ZSCAN18: variants seen among roughly 807,000 people sequenced by gnomAD.
ZSCAN18 encodes the protein zinc finger and SCAN domain containing 18.
ZSCAN18 carries 16 observed loss-of-function variants against 31.1 expected under a neutral mutation model. That is an observed-to-expected ratio of 0.51 (90% CI 0.35 to 0.78). The LOEUF (loss-of-function observed/expected upper bound fraction) is 0.78. Among genes scored for constraint, ZSCAN18 ranks in the 30% least tolerant of loss-of-function variants. The pLI, the probability that ZSCAN18 is intolerant of heterozygous loss-of-function variation, is 0.01. For missense variants in ZSCAN18, 731 were observed against 697.4 expected (o/e 1.05, Z -0.54); for synonymous variants, 375 against 320.7 (o/e 1.17, Z -1.81).
intron 1 of ZSCAN18, among the ~76,000 whole-genome samples, chr19:58,095,668 C>T (rs942274180): frequency 6.6e-6 from 1 of 152,120 alleles, no homozygotes; most frequent in Non-Finnish European, 1.5e-5. Context: ...GGCGGGATGA[C>T]GTGGGGAGGA....
intron 1 of ZSCAN18, chr19:58,108,592 T>TA: frequency 1.0e-6 from 1 of 985,846 alleles, no homozygotes; most frequent in Non-Finnish European, 1.2e-6. Context: ...ATTACAGGTA[T>TA]AAGGGCTCTC....
chr19:58,096,219 T>C (rs987857097), intron 1 of ZSCAN18, among the ~76,000 whole-genome samples: 3 of 147,658 alleles, frequency 2.0e-5, no homozygotes, highest in Non-Finnish European at 4.6e-5. Flanking sequence ...AGCCCGTGTC[T>C]CACAAACAAA....
intron 1 of ZSCAN18, among the ~76,000 whole-genome samples, chr19:58,104,144 C>T (rs757938184): frequency 1.3e-5 from 2 of 151,824 alleles, no homozygotes; most frequent in African/African-American, 2.4e-5. Flanking sequence ...TTTGGGAGGC[C>T]AAGCGGGATG....
At chr19:58,088,920 G>T in intron 2 of ZSCAN18, 83 bp from the exon 3 acceptor site, 1 of 1,405,652 alleles carries the variant, frequency 7.1e-7, no homozygotes, top group Non-Finnish European at 9.7e-7. Flanking sequence ...ACAGGGACCT[G>T]CAGGCTCCAG....
chr19:58,085,656 C>G (rs973705772), intron 6 of ZSCAN18: 4 of 490,386 alleles, frequency 8.2e-6, no homozygotes, highest in African/African-American at 6.1e-5. Flanking sequence ...TTCTGGAAAC[C>G]GCGCCTTTGG....
upstream of ZSCAN18, among the ~76,000 whole-genome samples, chr19:58,099,430 G>A (rs1439904328): frequency 6.6e-6 from 1 of 152,080 alleles, no homozygotes; most frequent in African/African-American, 2.4e-5. Flanking sequence ...TGTATCAACA[G>A]TTCATTCCAT....
Position 58,090,385 on chromosome 19 carries a change from A to G in ZSCAN18, c.-118T>C. 3 of 1,558,808 alleles carry G rather than the reference A, an allele frequency of 1.9e-6. No homozygotes were observed. The highest frequency in any genetic ancestry group is 2.6e-6 in the Non-Finnish European group (3 of 1,149,512). On this transcript the variant is annotated splice_region_variant and 5_prime_UTR_variant, in exon 2 of 7. Coordinates refer to ENST00000601144, the MANE Select transcript of ZSCAN18 (RefSeq NM_001145543.2). The surrounding 1 kb of genome is among the most constrained non-coding windows in gnomAD (Gnocchi z 4.7). ...GCTCAGGTGGTGCCAGAACCCACAG[A>G]CCTGCAGAGGACACGGACAAGGCAA...
chr19:58,103,873 G>A lies in ZSCAN18; in HGVS notation c.131-13487C>T, dbSNP rs188673811. On this transcript the variant is annotated intron_variant, in intron 1 of 1. Coordinates refer to the ZSCAN18 transcript ENST00000595721. ...GTGATGGCCAAGAGAAAAACTTGAG[G>A]GAAATGAAAAGTGTGACTCCAGTGA... 1.4e-3 allele frequency among the ~76,000 whole-genome samples: 206 copies of A among 152,260 alleles called. 2 individuals are homozygous for A. Among genetic ancestry groups the A allele is most frequent in the African/African-American group, 4.8e-3 (201 of 41,554 alleles).
intron 3 of ZSCAN18, 103 bp downstream of exon 3, chr19:58,088,585 C>A: frequency 8.2e-7 from 1 of 1,217,386 alleles, no homozygotes; most frequent in Non-Finnish European, 1.1e-6. Flanking sequence ...ACCATGGAGC[C>A]CCTGACTCCC....
chr19:58,108,671 C>T, intron 1 of ZSCAN18: 1 of 985,472 alleles, frequency 1.0e-6, no homozygotes. Context: ...CATTCACTGT[C>T]ATTGTATTCA....
intron 4 of ZSCAN18, 95 bp from the exon 5 acceptor site, chr19:58,087,103 C>A: frequency 8.5e-7 from 1 of 1,169,694 alleles, no homozygotes. Context: ...TAGGAGCCAG[C>A]CCTGGCCAGG....
At chr19:58,089,046 G>A (rs540593939) in intron 2 of ZSCAN18, among the ~76,000 whole-genome samples, 1 of 152,244 alleles carries the variant, frequency 6.6e-6, no homozygotes, top group South Asian at 2.1e-4. Context: ...GCTCACGCCT[G>A]TAATCCCAGC....
chr19:58,106,753 TTTTTTTTGTTTTTTTG>T (rs1382939602), intron 1 of ZSCAN18, among the ~76,000 whole-genome samples: 1 of 54,580 alleles, frequency 1.8e-5, no homozygotes, highest in African/African-American at 4.8e-5. Flanking sequence ...AAGACATCTG[TTTTTTTTGTTTTTTTG>T]TTTTTTTTTG....
At chr19:58,099,843 C>T (rs12461832), upstream of ZSCAN18, among the ~76,000 whole-genome samples, 85,363 of 152,026 alleles carry the variant, frequency 0.56, 25,888 homozygotes, top group Non-Finnish European at 0.68. Flanking sequence ...TAATTGCTAA[C>T]AAGTTTGAGC....
Position 58,085,345 on chromosome 19 carries a change from G to T in ZSCAN18, c.873C>A (p.Ala291=). 1 of 1,593,112 alleles carries T rather than the reference G, an allele frequency of 6.3e-7. No individual in the cohort carries two copies. The change falls in exon 7 of 7, where the codon GCC becomes GCA. Residue 291 remains alanine, a synonymous_variant. Coordinates refer to ENST00000601144, the MANE Select transcript of ZSCAN18 (RefSeq NM_001145543.2). Reference sequence around the variant, plus strand: ...CCCCCGCGGGGGCGGCCTCCTCGCAGGCGCACCCAGCGCTCTCCTGCCGCC... The same window carrying T: ...CCCCCGCGGGGGCGGCCTCCTCGCATGCGCACCCAGCGCTCTCCTGCCGCC... ...GGRRQESAGC[A]CEEAAPAGVL... is the part of the protein sequence containing the mutation.
chr19:58,108,958 T>C, intron 1 of ZSCAN18: 1 of 1,117,594 alleles, frequency 8.9e-7, no homozygotes, highest in Non-Finnish European at 1.1e-6. Flanking sequence ...TTTCTGACAA[T>C]TATGTATGTA....
chr19:58,110,219 T>G (rs2074670190), intron 1 of ZSCAN18, among the ~76,000 whole-genome samples: 1 of 152,156 alleles, frequency 6.6e-6, no homozygotes, highest in Admixed American at 6.6e-5. Flanking sequence ...GAGAAGAACT[T>G]GATCTCCAAC....
At chr19:58,110,712 A>G (rs887370428) in intron 1 of ZSCAN18, among the ~76,000 whole-genome samples, 1 of 152,170 alleles carries the variant, frequency 6.6e-6, no homozygotes, top group African/African-American at 2.4e-5. Context: ...TTCCTCCACC[A>G]CTGTGGTCCA....
intron 3 of ZSCAN18, chr19:58,087,636 C>CTTT: frequency 4.7e-6 from 2 of 421,444 alleles, no homozygotes; most frequent in Non-Finnish European, 4.3e-6. Context: ...TCATGGAAAT[C>CTTT]TTTTTTTTTT....
Sources: allele counts gnomAD v4.1 joint callset (sites outside exome capture counted in the v4.1 genomes callset), GRCh38; gene constraint gnomAD v4.1.1; non-coding constraint Gnocchi (gnomAD v3.1); transcripts MANE v1.5; gene names NCBI Gene and HGNC (gene_info 2026-07-23, HGNC 2026-07-21).